COL5A1: variants seen among roughly 807,000 people sequenced by gnomAD.
The protein encoded by COL5A1 is collagen alpha-1(V) chain.
A neutral mutation model predicts 263.7 loss-of-function variants in COL5A1; 16 were observed. The observed-to-expected ratio is 0.06, with a 90% CI of 0.04 to 0.09. COL5A1 has a LOEUF of 0.09. Among genes scored for constraint, COL5A1 ranks in the 10% least tolerant of loss-of-function variants. COL5A1 has a pLI of 1.00. For missense variants in COL5A1, 2,036 were observed against 2,540.5 expected (o/e 0.80, Z 4.27); for synonymous variants, 1,012 against 1,004.5 (o/e 1.01, Z -0.14).
intron 1 of COL5A1, among the ~76,000 whole-genome samples, chr9:134,689,403 C>G (rs1045735204): frequency 1.3e-5 from 2 of 152,300 alleles, no homozygotes; most frequent in Admixed American, 1.3e-4. Flanking sequence ...ACCACTGCAC[C>G]CAGAGATGGG....
At chr9:134,693,419 G>C (rs576794374) in intron 2 of COL5A1, among the ~76,000 whole-genome samples, 13 of 152,276 alleles carry the variant, frequency 8.5e-5, no homozygotes, top group African/African-American at 3.1e-4. Flanking sequence ...GTTTTTTTAA[G>C]TTTTCCAAAG....
chr9:134,649,415 T>C (rs1029609650), intron 1 of COL5A1: 1 of 455,564 alleles, frequency 2.2e-6, no homozygotes, highest in Non-Finnish European at 4.5e-6. Flanking sequence ...TACTCAGAGC[T>C]CTGGGGACAT....
intron 6 of COL5A1, among the ~76,000 whole-genome samples, chr9:134,729,418 G>T (rs1167744884): frequency 6.6e-6 from 1 of 152,190 alleles, no homozygotes; most frequent in South Asian, 2.1e-4. Context: ...AAAGAGGGTG[G>T]GGTGTGAGCA....
intron 64 of COL5A1, among the ~76,000 whole-genome samples, chr9:134,831,515 G>A (rs1375576821): frequency 6.6e-6 from 1 of 152,212 alleles, no homozygotes; most frequent in Admixed American, 6.5e-5. Flanking sequence ...CGGGACCAGG[G>A]CTGCTTGGCC....
At chr9:134,775,273 C>T (rs1837011388) in intron 27 of COL5A1, among the ~76,000 whole-genome samples, 1 of 152,270 alleles carries the variant, frequency 6.6e-6, no homozygotes, top group Admixed American at 6.5e-5. Context: ...TCGCAGACAG[C>T]AGATCCCGGC....
In COL5A1 at chr9:134,834,956, C is replaced by T. The variant is rs540871078; in HGVS notation, c.5137-15C>T. 2 of 1,596,474 alleles carry T rather than the reference C, an allele frequency of 1.3e-6. No homozygotes were observed. The highest frequency in any genetic ancestry group is 1.3e-5 in the African/African-American group (1 of 74,722). ...GTCCCCACCCTGCTGAGCCCCAACA[C>T]CCCTGTCCCCCCAGCTCTCCTATGT... On this transcript the variant is annotated splice_polypyrimidine_tract_variant and intron_variant, in intron 64 of 65. Coordinates refer to ENST00000371817, the MANE Select transcript of COL5A1 (RefSeq NM_000093.5).
At chr9:134,720,469 A>C (rs1478822118) in intron 4 of COL5A1, among the ~76,000 whole-genome samples, 1 of 152,228 alleles carries the variant, frequency 6.6e-6, no homozygotes, top group East Asian at 1.9e-4. Flanking sequence ...AAATGCTCTC[A>C]GCATACAACA....
intron 43 of COL5A1, 65 bp from the exon 44 acceptor site, chr9:134,810,189 CG>C: frequency 6.4e-7 from 1 of 1,557,574 alleles, no homozygotes; most frequent in South Asian, 1.1e-5. Flanking sequence ...AAATTCATTA[CG>C]GGGAACAGAA....
chr9:134,828,880 C>T (rs1176409074), intron 63 of COL5A1, among the ~76,000 whole-genome samples: 1 of 151,006 alleles, frequency 6.6e-6, no homozygotes, highest in East Asian at 1.9e-4. Flanking sequence ...ACATCACACA[C>T]AGACCACACA....
At chr9:134,747,881 A>T (rs1835602560) in intron 11 of COL5A1, among the ~76,000 whole-genome samples, 1 of 151,546 alleles carries the variant, frequency 6.6e-6, no homozygotes, top group East Asian at 2.0e-4. Context: ...AGACACATGC[A>T]CACATGCATT....
chr9:134,654,642 GA>G (rs1831867321), intron 1 of COL5A1, among the ~76,000 whole-genome samples: 5 of 133,192 alleles, frequency 3.8e-5, no homozygotes, highest in Non-Finnish European at 4.9e-5. Flanking sequence ...TGTAGGGCTG[GA>G]GGTGTGTAGG....
At chr9:134,702,549 C>T (rs1000161047) in intron 4 of COL5A1, among the ~76,000 whole-genome samples, 12 of 152,160 alleles carry the variant, frequency 7.9e-5, no homozygotes, top group South Asian at 2.1e-4. Context: ...GCCAAGGGCA[C>T]GCGAAGGAGA....
chr9:134,795,314 A>G lies in COL5A1; in HGVS notation c.2798A>G (p.Lys933Arg), dbSNP rs1332476232. ...GGCATCACTGGGAAGCCTGGCCCCA[A>G]GGTATGTTTTTGGCCTCCTGGGCGG... ...PRGITGKPGP[K>R]GNSGGDGPAG... is the part of the protein sequence containing the mutation. The change falls in exon 34 of 66, where the codon AAG (lysine) becomes AGG (arginine). Residue 933 changes from lysine to arginine, a missense_variant and splice_region_variant. Physicochemically the swap from Lys to Arg is conservative, Grantham distance 26. This residue lies in a region of COL5A1 where 1,078 missense variants were observed against 1,521.4 expected (regional missense o/e 0.71). Transcript: ENST00000371817. 6.2e-7 allele frequency: 1 copy of G among 1,613,598 alleles called. No individual in the cohort carries two copies. The highest frequency in any genetic ancestry group is 1.1e-5 in the South Asian group (1 of 91,062).
At chr9:134,823,378 C>T in intron 60 of COL5A1, 38 bp from the exon 61 acceptor site, 1 of 1,612,182 alleles carries the variant, frequency 6.2e-7, no homozygotes. Flanking sequence ...CCCCTCATAC[C>T]TCTGTGACCA....
At chr9:134,827,264 G>A (rs937232659) in intron 63 of COL5A1, among the ~76,000 whole-genome samples, 4 of 152,170 alleles carry the variant, frequency 2.6e-5, no homozygotes, top group African/African-American at 7.2e-5. Context: ...CGCCCTGACC[G>A]TGCTGAGCTC....
At chr9:134,685,806 A>G (rs1833054101) in intron 1 of COL5A1, among the ~76,000 whole-genome samples, 1 of 127,692 alleles carries the variant, frequency 7.8e-6, no homozygotes, top group Non-Finnish European at 1.6e-5. Flanking sequence ...TCATCCATCT[A>G]TCCATCCATT....
intron 13 of COL5A1, among the ~76,000 whole-genome samples, chr9:134,752,162 C>A (rs975895204): frequency 1.3e-5 from 2 of 152,152 alleles, no homozygotes; most frequent in Non-Finnish European, 2.9e-5. Context: ...GTGCTTGAAG[C>A]GCCTCCCATG....
At chr9:134,807,856 G>A (rs2132835013) in intron 42 of COL5A1, among the ~76,000 whole-genome samples, 1 of 152,312 alleles carries the variant, frequency 6.6e-6, no homozygotes, top group South Asian at 2.1e-4. Context: ...AAAGTCAGCT[G>A]GAAATGGCTT....
chr9:134,745,056 T>C lies in COL5A1; in HGVS notation c.1495-5486T>C, dbSNP rs557891692. On this transcript the variant is annotated intron_variant, in intron 11 of 65. Coordinates refer to ENST00000371817, the MANE Select transcript of COL5A1 (RefSeq NM_000093.5). ...CTGGTCGTGAATGACTTCTGGCCAT[T>C]TCGAGTCACATTTATCTTCAAAGCT... Among the ~76,000 whole-genome samples the C allele has an allele frequency of 6.6e-5, 10 of 152,292 alleles. No homozygotes were observed. The East Asian group carries it at 1.9e-3, about 29-fold the overall frequency.
Sources: gnomAD v4.1 joint callset for allele counts (sites outside exome capture counted in the v4.1 genomes callset) on GRCh38, gnomAD v4.1.1 for gene constraint, gnomAD v4.1.1 regional missense constraint, MANE v1.5 for transcripts, NCBI Gene and HGNC (gene_info 2026-07-23, HGNC 2026-07-21) for gene names.